ELAPOR1: variants seen among roughly 807,000 people sequenced by gnomAD.
ELAPOR1 encodes endosome/lysosome-associated apoptosis and autophagy regulator 1.
ELAPOR1 carries 77 observed loss-of-function variants against 119.7 expected under a neutral mutation model. The ratio of observed to expected loss-of-function variants is 0.64; its 90% CI spans 0.54 to 0.78. The LOEUF is 0.78. Ranked by LOEUF, ELAPOR1 falls within the 30% of genes least tolerant of loss-of-function variation. The pLI, the probability that ELAPOR1 is intolerant of heterozygous loss-of-function variation, is 0.00. For synonymous variants in ELAPOR1, 481 were observed against 487.2 expected, an observed-to-expected ratio of 0.99 and a Z score of 0.17; for missense variants, 1,115 against 1,270.4, an observed-to-expected ratio of 0.88 and a Z score of 1.86.
At chr1:109,134,387 G>A (rs894029753) in intron 1 of ELAPOR1, among the ~76,000 whole-genome samples, 2 of 152,068 alleles carry the variant, frequency 1.3e-5, no homozygotes, top group African/African-American at 4.8e-5. Flanking sequence ...GCCCTGGTGT[G>A]GGCTTCTTGA....
chr1:109,197,720 T>A, intron 16 of ELAPOR1, 66 bp downstream of exon 16: 1 of 1,487,866 alleles, frequency 6.7e-7, no homozygotes. Context: ...TGTGTATGTG[T>A]AAGAGAGTGT....
chr1:109,185,100 C>A lies in ELAPOR1; in HGVS notation c.1008C>A (p.Phe336Leu). Reference sequence around the variant, plus strand: ...CAGCTTGCACAGACAAAGATTATTTCTACACACACACGGCCTGCGATGCCA... The same window carrying A: ...CAGCTTGCACAGACAAAGATTATTTATACACACACACGGCCTGCGATGCCA... The part of the protein sequence containing the change: ...VRPACTDKDY[F>L]YTHTACDANG... Residue 336 changes from phenylalanine (F) to leucine (L), a missense_variant, in exon 8 of 22, where the codon TTC (phenylalanine) becomes TTA (leucine). Physicochemically the swap from Phe to Leu is conservative, Grantham distance 22. Transcript: ENST00000369939. The A allele has an allele frequency of 6.2e-7, 1 of 1,614,148 alleles. No homozygotes were observed. The highest frequency in any genetic ancestry group is 8.5e-7 in the Non-Finnish European group (1 of 1,180,000).
At chr1:109,178,810 C>T (rs1238536233) in intron 7 of ELAPOR1, among the ~76,000 whole-genome samples, 2 of 151,894 alleles carry the variant, frequency 1.3e-5, no homozygotes, top group African/African-American at 4.8e-5. Context: ...ACTAGAAATA[C>T]AAAAATTAGC....
At chr1:109,142,149 G>A (rs1250206240) in intron 1 of ELAPOR1, among the ~76,000 whole-genome samples, 1 of 152,066 alleles carries the variant, frequency 6.6e-6, no homozygotes, top group Admixed American at 6.6e-5. Flanking sequence ...TGTGAAAATG[G>A]CTTTGTGTAA....
In ELAPOR1 at chr1:109,198,651, C is replaced by G. The variant is rs750939867; in HGVS notation, c.2478C>G (p.Val826=). The G allele has an allele frequency of 8.1e-6, 13 of 1,613,644 alleles. No homozygotes were observed. Among genetic ancestry groups the G allele is most frequent in the Middle Eastern group, 1.6e-4 (1 of 6,062 alleles). ...TCAGGTGCAGTCCACAGAAAACTGT[C>G]CCTGGAAGTTTGCTGCTGCCAGGGT... The part of the protein sequence containing the change: ...IRVRCSPQKT[V]PGSLLLPGTC... Residue 826 remains valine, a synonymous_variant, in exon 18 of 22, where the codon GTC becomes GTG. Transcript: ENST00000369939.
At position 109,114,345 on chromosome 1, in the gene ELAPOR1, GC is replaced by G. The variant is rs567515751; in HGVS notation, c.153+15del. ...TTCATGCCTGCAAAGAGGTACTGCC[GC>G]CCCCCTACCCGATCCCGCTTTGGTC... On this transcript the variant is annotated intron_variant, in intron 1 of 21. Coordinates refer to ENST00000369939, the MANE Select transcript of ELAPOR1 (RefSeq NM_020775.5). 2.5e-6 allele frequency: 4 copies of G among 1,575,070 alleles called. No homozygotes were observed. The highest frequency in any genetic ancestry group is 1.7e-4 in the Middle Eastern group (1 of 5,988).
intron 1 of ELAPOR1, among the ~76,000 whole-genome samples, chr1:109,150,826 G>A (rs1650489905): frequency 6.6e-6 from 1 of 152,182 alleles, no homozygotes; most frequent in Non-Finnish European, 1.5e-5. Flanking sequence ...TTAAAGTATT[G>A]CAGCCACCCT....
Position 109,202,438 on chromosome 1 carries a change from G to GA in ELAPOR1, c.2974-499dup, listed in dbSNP as rs75103147. 5.2e-3 allele frequency among the ~76,000 whole-genome samples: 752 copies of GA among 144,512 alleles called. 5 individuals are homozygous for GA. The highest frequency in any genetic ancestry group is 0.018 in the African/African-American group (717 of 39,206). 94.8% of individuals were successfully genotyped at this position (144,512 alleles called of 152,430 possible). On this transcript the variant is annotated intron_variant, in intron 21 of 21. Coordinates refer to ENST00000369939, the MANE Select transcript of ELAPOR1 (RefSeq NM_020775.5). ...CCTGGCCAAAAACATTTTTTTAAAAGAAAAAAATTTTTTTTTTTTTGAGAC... is the reference window on the plus strand; with the variant it reads ...CCTGGCCAAAAACATTTTTTTAAAAGAAAAAAAATTTTTTTTTTTTTGAGAC...
At chr1:109,115,652 T>C (rs1425306550) in intron 1 of ELAPOR1, among the ~76,000 whole-genome samples, 1 of 152,186 alleles carries the variant, frequency 6.6e-6, no homozygotes, top group Non-Finnish European at 1.5e-5. Context: ...TAAATTCTTA[T>C]AAAGATGTTC....
At chr1:109,133,616 C>G (rs1330478465) in intron 1 of ELAPOR1, among the ~76,000 whole-genome samples, 1 of 152,080 alleles carries the variant, frequency 6.6e-6, no homozygotes, top group Non-Finnish European at 1.5e-5. Context: ...TATTATTTCT[C>G]CATCATATAT....
chr1:109,116,930 A>T (rs887182153), intron 1 of ELAPOR1, among the ~76,000 whole-genome samples: 4 of 152,158 alleles, frequency 2.6e-5, no homozygotes, highest in Non-Finnish European at 5.9e-5. Flanking sequence ...ACCTCAGGTG[A>T]TCCACCCGCC....
In ELAPOR1 at chr1:109,203,951, T is replaced by A. The variant is rs1654343417; in HGVS notation, c.*939T>A. On this transcript the variant is annotated 3_prime_UTR_variant, in exon 22 of 22. Coordinates refer to ENST00000369939, the MANE Select transcript of ELAPOR1 (RefSeq NM_020775.5). The stretch of plus-strand genomic sequence containing the variant: ...GAATGTTTTTGTTTTTGAGACAGGC[T>A]CTCACTCTGTCACCTAGGCTGGAGT... The A allele has an allele frequency of 1.3e-5, 2 of 151,226 alleles. No individual in the cohort carries two copies. The highest frequency in any genetic ancestry group is 4.2e-4 in the South Asian group (2 of 4,782). 9.4% of individuals were successfully genotyped at this position (151,226 alleles called of 1,614,324 possible).
chr1:109,172,001 C>T lies in ELAPOR1; in HGVS notation c.603C>T (p.Ile201=), dbSNP rs993548667. 6.2e-6 allele frequency: 10 copies of T among 1,614,204 alleles called. No individual in the cohort carries two copies. The highest frequency in any genetic ancestry group is 8.5e-6 in the Non-Finnish European group (10 of 1,180,022). Residue 201 remains isoleucine, a synonymous_variant, in exon 4 of 22, where the codon ATC becomes ATT. Coordinates refer to ENST00000369939, the MANE Select transcript of ELAPOR1 (RefSeq NM_020775.5). ...FEYYYPDSSI[I]FEFFVQNDQC... is the part of the protein sequence containing the mutation. ...ACTACTATCCAGACTCCAGCATCATCTTTGAGTTTTTCGTAAGCCCCTGGC... is the reference window on the plus strand; with the variant it reads ...ACTACTATCCAGACTCCAGCATCATTTTTGAGTTTTTCGTAAGCCCCTGGC...
At chr1:109,115,227 G>T (rs906351002) in intron 1 of ELAPOR1, among the ~76,000 whole-genome samples, 7 of 152,114 alleles carry the variant, frequency 4.6e-5, no homozygotes, top group Non-Finnish European at 7.4e-5. Flanking sequence ...TGTGCTCTGA[G>T]CAACTTTTTT....
chr1:109,150,488 C>A (rs967804889), intron 1 of ELAPOR1, among the ~76,000 whole-genome samples: 1 of 152,130 alleles, frequency 6.6e-6, no homozygotes, highest in Non-Finnish European at 1.5e-5. Context: ...GGGTCTGGTG[C>A]TTGCTCTGGG....
chr1:109,132,905 T>C (rs145860371), intron 1 of ELAPOR1, among the ~76,000 whole-genome samples: 36 of 152,102 alleles, frequency 2.4e-4, no homozygotes, highest in African/African-American at 8.7e-4. Context: ...TAGTAAAATC[T>C]AAATATAAAA....
chr1:109,172,026 C>A lies in ELAPOR1; in HGVS notation c.615+13C>A, dbSNP rs747235428. ...CTTTGAGTTTTTCGTAAGCCCCTGG[C>A]CAAGGTGGAGGGTGGGAGCTAAAAA... On this transcript the variant is annotated intron_variant, in intron 4 of 21. Coordinates refer to ENST00000369939, the MANE Select transcript of ELAPOR1 (RefSeq NM_020775.5). 2.5e-6 allele frequency: 4 copies of A among 1,614,042 alleles called. No homozygotes were observed. The Admixed American group carries it at 5.0e-5, about 20-fold the overall frequency.
At chr1:109,174,877 G>A (rs887296741) in intron 7 of ELAPOR1, among the ~76,000 whole-genome samples, 14 of 152,068 alleles carry the variant, frequency 9.2e-5, no homozygotes, top group African/African-American at 3.4e-4. Context: ...CACTGCGCCC[G>A]GCTAATTTTT....
chr1:109,161,204 G>A (rs1183185433), intron 1 of ELAPOR1, among the ~76,000 whole-genome samples: 2 of 152,096 alleles, frequency 1.3e-5, no homozygotes, highest in Non-Finnish European at 1.5e-5. Context: ...AAAGTCAGGA[G>A]TTTGAGACCA....
Sources: gnomAD v4.1 joint callset for allele counts (sites outside exome capture counted in the v4.1 genomes callset) on GRCh38, gnomAD v4.1.1 for gene constraint, MANE v1.5 for transcripts, NCBI Gene and HGNC (gene_info 2026-07-23, HGNC 2026-07-21) for gene names.